The following SNTB1 variants were observed in gnomAD, a reference collection of about 807,000 sequenced individuals.
SNTB1 encodes beta-1-syntrophin.
Under a neutral mutation model 48.9 loss-of-function variants are expected in SNTB1, and 36 were observed. The ratio of observed to expected loss-of-function variants is 0.74; its 90% CI spans 0.56 to 0.97. The LOEUF (loss-of-function observed/expected upper bound fraction) is 0.97. SNTB1 is among the 50% of genes least tolerant of loss of function. The pLI is 0.00. For synonymous variants in SNTB1, 299 were observed against 294.6 expected (o/e 1.01, Z -0.15); for missense variants, 786 against 703.4 (o/e 1.12, Z -1.33).
intron 2 of SNTB1, among the ~76,000 whole-genome samples, chr8:120,664,970 T>G (rs1817650247): frequency 6.6e-6 from 1 of 152,208 alleles, no homozygotes; most frequent in African/African-American, 2.4e-5. Context: ...GCTAGATTCA[T>G]ATGAATGTAG....
chr8:120,652,391 G>A (rs1159544061), intron 2 of SNTB1, among the ~76,000 whole-genome samples: 1 of 152,162 alleles, frequency 6.6e-6, no homozygotes, highest in Non-Finnish European at 1.5e-5. Context: ...AGAGAGTAAA[G>A]AAATTCTATT....
In SNTB1 at chr8:120,596,328, G is replaced by A. The variant is rs796433834; in HGVS notation, c.997-21103C>T. On this transcript the variant is annotated intron_variant, in intron 3 of 6. Coordinates refer to ENST00000517992, the MANE Select transcript of SNTB1 (RefSeq NM_021021.4). The stretch of plus-strand genomic sequence containing the variant: ...CAGAATATCAACATTTATTAATTTT[G>A]AGTATATCTATATGTCTGTTATTTG... Among the ~76,000 whole-genome samples the A allele has an allele frequency of 2.8e-4, 42 of 152,276 alleles. 1 individual carries two copies. Among genetic ancestry groups the A allele is most frequent in the African/African-American group, 9.6e-4 (40 of 41,548 alleles).
chr8:120,579,134 G>A lies in SNTB1; in HGVS notation c.997-3909C>T, dbSNP rs183846262. 6.8e-3 allele frequency among the ~76,000 whole-genome samples: 1,042 copies of A among 152,196 alleles called. 13 individuals are homozygous for A. Among genetic ancestry groups the A allele is most frequent in the African/African-American group, 0.023 (965 of 41,534 alleles). On this transcript the variant is annotated intron_variant, in intron 3 of 6. Coordinates refer to ENST00000517992, the MANE Select transcript of SNTB1 (RefSeq NM_021021.4). ...AGAGGTTGCAGTGAGCCAAGATCGC[G>A]CCATTGCACTCCAGCCTGGGCAACA...
chr8:120,643,830 G>T (rs1021506453), intron 2 of SNTB1, among the ~76,000 whole-genome samples: 2 of 152,156 alleles, frequency 1.3e-5, no homozygotes, highest in Non-Finnish European at 2.9e-5. Context: ...AGTTCTTTAA[G>T]GAACCTCCAT....
chr8:120,609,620 AAAAAAC>A (rs1587028405), intron 3 of SNTB1, among the ~76,000 whole-genome samples: 1 of 152,258 alleles, frequency 6.6e-6, no homozygotes, highest in East Asian at 1.9e-4. Flanking sequence ...AATCACATTG[AAAAAAC>A]AAATGGAAAA....
At chr8:120,806,705 A>C (rs1820342444) in intron 1 of SNTB1, among the ~76,000 whole-genome samples, 1 of 152,212 alleles carries the variant, frequency 6.6e-6, no homozygotes, top group African/African-American at 2.4e-5. Flanking sequence ...CAGTAAAGAA[A>C]ACTAAGCCCT....
At chr8:120,630,058 A>T (rs778729876) in intron 3 of SNTB1, among the ~76,000 whole-genome samples, 28 of 152,260 alleles carry the variant, frequency 1.8e-4, no homozygotes, top group Non-Finnish European at 3.7e-4. Flanking sequence ...TGAAGAGATG[A>T]GAGAAAAGTA....
At chr8:120,729,373 T>C (rs943983303) in intron 1 of SNTB1, among the ~76,000 whole-genome samples, 1 of 152,238 alleles carries the variant, frequency 6.6e-6, no homozygotes, top group Admixed American at 6.5e-5. Context: ...CTGTATGTGC[T>C]GGACACTCTT....
chr8:120,623,231 T>C (rs1269234281), intron 3 of SNTB1, among the ~76,000 whole-genome samples: 1 of 152,212 alleles, frequency 6.6e-6, no homozygotes, highest in East Asian at 1.9e-4. Context: ...CATTGATCAA[T>C]GTAAGGCCTC....
chr8:120,614,752 AT>A (rs914483498), intron 3 of SNTB1, among the ~76,000 whole-genome samples: 4 of 151,262 alleles, frequency 2.6e-5, no homozygotes, highest in Admixed American at 6.6e-5. Flanking sequence ...AGGTGGAGGG[AT>A]TTTTTTTTAA....
At chr8:120,616,824 G>C (rs1169619043) in intron 3 of SNTB1, among the ~76,000 whole-genome samples, 1 of 152,154 alleles carries the variant, frequency 6.6e-6, no homozygotes, top group African/African-American at 2.4e-5. Context: ...CATCTTTTCT[G>C]GCAGAATCCC....
chr8:120,585,421 A>T (rs1816123646), intron 3 of SNTB1, among the ~76,000 whole-genome samples: 2 of 152,246 alleles, frequency 1.3e-5, no homozygotes, highest in Non-Finnish European at 1.5e-5. Flanking sequence ...CACTCAGGCC[A>T]GATGTCAATA....
chr8:120,548,164 T>A (rs1815414884), intron 5 of SNTB1, among the ~76,000 whole-genome samples: 1 of 152,144 alleles, frequency 6.6e-6, no homozygotes, highest in South Asian at 2.1e-4. Context: ...CCTCTCCTAT[T>A]GCCATGTGAT....
intron 4 of SNTB1, among the ~76,000 whole-genome samples, chr8:120,551,742 A>G (rs1401900819): frequency 2.0e-5 from 3 of 151,326 alleles, no homozygotes; most frequent in Middle Eastern, 3.4e-3. Flanking sequence ...AAAAAAAAAA[A>G]AAAAAAAGTA....
chr8:120,684,120 G>A (rs1350518948), intron 2 of SNTB1, among the ~76,000 whole-genome samples: 1 of 152,156 alleles, frequency 6.6e-6, no homozygotes, highest in Non-Finnish European at 1.5e-5. Context: ...TGCCTATTAT[G>A]TGTCCTTATG....
intron 1 of SNTB1, among the ~76,000 whole-genome samples, chr8:120,710,316 C>T (rs1303232190): frequency 6.6e-6 from 1 of 152,070 alleles, no homozygotes; most frequent in African/African-American, 2.4e-5. Context: ...TATTTGAGTA[C>T]CAGTATAGTT....
intron 3 of SNTB1, among the ~76,000 whole-genome samples, chr8:120,584,039 C>A (rs530688090): frequency 1.3e-5 from 2 of 152,162 alleles, no homozygotes; most frequent in African/African-American, 4.8e-5. Context: ...GCAGGTCTGG[C>A]GTGGTGGCTC....
At chr8:120,776,763 T>C (rs549038271) in intron 1 of SNTB1, 88 of 152,254 alleles carry the variant, frequency 5.8e-4, no homozygotes, top group African/African-American at 2.1e-3. Context: ...GGTTTTCACA[T>C]GGTGAATAAT....
At chr8:120,618,480 G>A (rs923104996) in intron 3 of SNTB1, among the ~76,000 whole-genome samples, 3 of 152,132 alleles carry the variant, frequency 2.0e-5, no homozygotes, top group Non-Finnish European at 2.9e-5. Flanking sequence ...CTTGTCTGAC[G>A]TGTCACCATC....
Sources: allele counts gnomAD v4.1 joint callset (sites outside exome capture counted in the v4.1 genomes callset), GRCh38; gene constraint gnomAD v4.1.1; transcripts MANE v1.5; gene names NCBI Gene and HGNC (gene_info 2026-07-23, HGNC 2026-07-21).